NHEJ1: variants seen among roughly 807,000 people sequenced by gnomAD.
The protein encoded by NHEJ1 is non-homologous end-joining factor 1.
A neutral mutation model predicts 39.4 loss-of-function variants in NHEJ1; 22 were observed. That is an observed-to-expected ratio of 0.56 (90% CI 0.40 to 0.80). The LOEUF is 0.80. NHEJ1 is among the 30% of genes least tolerant of loss of function. The probability of loss-of-function intolerance (pLI) is 0.00; values close to 1 mark genes in which losing one functional copy is unlikely to be tolerated. For missense variants in NHEJ1, 329 were observed against 357.1 expected (o/e 0.92, Z 0.63); for synonymous variants, 154 against 135.6 (o/e 1.14, Z -0.94).
chr2:219,159,576 C>CATATATATATATGCAT (rs72363387), intron 1 of NHEJ1, among the ~76,000 whole-genome samples: 1,973 of 68,790 alleles, frequency 0.029, 175 homozygotes, highest in Non-Finnish European at 0.037. Context: ...TATATATATG[C>CATATATATATATGCAT]ATATATATAT....
intron 5 of NHEJ1, among the ~76,000 whole-genome samples, chr2:219,086,208 G>GT (rs1236856847): frequency 2.0e-5 from 3 of 152,140 alleles, no homozygotes; most frequent in Middle Eastern, 3.4e-3. Flanking sequence ...TTATTTTGGG[G>GT]TTTTTTTCTT....
intron 5 of NHEJ1, among the ~76,000 whole-genome samples, chr2:219,116,600 A>C (rs1949419091): frequency 6.6e-6 from 1 of 152,124 alleles, no homozygotes; most frequent in Non-Finnish European, 1.5e-5. Flanking sequence ...CAAGCGATCA[A>C]CCTGCCTTGG....
chr2:219,118,565 G>A (rs934635706), intron 5 of NHEJ1, among the ~76,000 whole-genome samples: 1 of 152,174 alleles, frequency 6.6e-6, no homozygotes, highest in Non-Finnish European at 1.5e-5. Flanking sequence ...GCTCCGCTGA[G>A]GTTTCTCGGG....
intron 3 of NHEJ1, among the ~76,000 whole-genome samples, chr2:219,153,023 G>A (rs1183294632): frequency 2.6e-5 from 4 of 151,958 alleles, no homozygotes; most frequent in African/African-American, 4.8e-5. Context: ...GGCTGGTCTC[G>A]AACTCCTGAC....
At chr2:219,160,349 G>A (rs1223575398) in intron 1 of NHEJ1, among the ~76,000 whole-genome samples, 1 of 152,154 alleles carries the variant, frequency 6.6e-6, no homozygotes, top group Non-Finnish European at 1.5e-5. Context: ...CCCCACCCCA[G>A]GAGCCGCCAG....
At chr2:219,090,703 C>T (rs1422795460) in intron 5 of NHEJ1, among the ~76,000 whole-genome samples, 2 of 152,176 alleles carry the variant, frequency 1.3e-5, no homozygotes, top group African/African-American at 4.8e-5. Context: ...CAGCAGTTAA[C>T]AGACTAACCG....
intron 5 of NHEJ1, among the ~76,000 whole-genome samples, chr2:219,118,683 C>T (rs191935553): frequency 6.6e-6 from 1 of 152,272 alleles, no homozygotes; most frequent in Non-Finnish European, 1.5e-5. Context: ...GAACCAGGAA[C>T]CAAAGGGGCC....
intron 5 of NHEJ1, among the ~76,000 whole-genome samples, chr2:219,090,651 C>T (rs1021081777): frequency 3.9e-5 from 6 of 152,154 alleles, no homozygotes; most frequent in African/African-American, 1.4e-4. Flanking sequence ...TGAGGCCTTA[C>T]TAAACAAAGC....
chr2:219,098,249 G>C (rs1949226124), intron 5 of NHEJ1, among the ~76,000 whole-genome samples: 1 of 152,230 alleles, frequency 6.6e-6, no homozygotes, highest in Non-Finnish European at 1.5e-5. Context: ...CACTTGTAAG[G>C]AGTTTTGTAG....
At chr2:219,123,966 C>T (rs371062406) in intron 5 of NHEJ1, among the ~76,000 whole-genome samples, 96 of 152,266 alleles carry the variant, frequency 6.3e-4, no homozygotes, top group African/African-American at 2.2e-3. Context: ...TTTATAGAAT[C>T]CTGGCGGTGG....
intron 3 of NHEJ1, among the ~76,000 whole-genome samples, chr2:219,156,823 T>C (rs1442799439): frequency 6.6e-6 from 1 of 152,220 alleles, no homozygotes; most frequent in Admixed American, 6.5e-5. Context: ...AAACCACGAA[T>C]TGGATCATGT....
At chr2:219,082,355 C>T (rs1949074983) in intron 5 of NHEJ1, among the ~76,000 whole-genome samples, 1 of 152,212 alleles carries the variant, frequency 6.6e-6, no homozygotes, top group Admixed American at 6.5e-5. Flanking sequence ...AGGGTCCAAC[C>T]TCCCCTCTTT....
At chr2:219,094,355 C>G (rs892009997) in intron 5 of NHEJ1, among the ~76,000 whole-genome samples, 1 of 152,156 alleles carries the variant, frequency 6.6e-6, no homozygotes, top group African/African-American at 2.4e-5. Flanking sequence ...TCTGGCAGTA[C>G]TGTGGAAGCG....
At chr2:219,078,816 G>C (rs990148300) in intron 5 of NHEJ1, among the ~76,000 whole-genome samples, 21 of 152,052 alleles carry the variant, frequency 1.4e-4, no homozygotes, top group African/African-American at 4.8e-4. Flanking sequence ...CCCCAAGGGA[G>C]TGAAAACTGT....
chr2:219,118,612 G>A (rs1175753768), intron 5 of NHEJ1, among the ~76,000 whole-genome samples: 4 of 152,172 alleles, frequency 2.6e-5, no homozygotes, highest in African/African-American at 4.8e-5. Flanking sequence ...TCTGTAAAGC[G>A]GATGGAAATG....
intron 5 of NHEJ1, among the ~76,000 whole-genome samples, chr2:219,126,679 C>A (rs1275461462): frequency 6.6e-6 from 1 of 152,052 alleles, no homozygotes; most frequent in Admixed American, 6.5e-5. Context: ...GCCAGAAAAA[C>A]CAGTAATTAT....
chr2:219,155,237 C>G (rs547775885), intron 3 of NHEJ1, among the ~76,000 whole-genome samples: 1 of 151,320 alleles, frequency 6.6e-6, no homozygotes, highest in Non-Finnish European at 1.5e-5. Context: ...AACACTGCCC[C>G]CTGGTGTTAC....
chr2:219,080,598 T>A lies in NHEJ1; in HGVS notation c.589-2392A>T, dbSNP rs147912777. Among the ~76,000 whole-genome samples, 521 of 97,182 alleles carry A rather than the reference T, an allele frequency of 5.4e-3. 11 individuals are homozygous for A. The highest frequency in any genetic ancestry group is 0.014 in the African/African-American group (417 of 29,474). The allele number at this position is 97,182 out of a possible 152,430, so 63.8% of individuals were successfully genotyped here. A position where few individuals can be genotyped will look rare whatever the true frequency, so the allele number is the denominator to read the frequency against. The stretch of plus-strand genomic sequence containing the variant: ...TTATATATATACGCTTATATATATA[T>A]GCTAATATATATAAGCTTATATATA... On this transcript the variant is annotated intron_variant, in intron 5 of 7. Transcript: ENST00000356853.
rs762925783 is a variant in NHEJ1, at chr2:219,108,813, G to GA, written c.589-30608dup. The stretch of plus-strand genomic sequence containing the variant: ...AGGCTTTGTGAAGTTATCCTGGGTG[G>GA]AAAAAAAAAAAGGTTTTTCTAAGGT... On this transcript the variant is annotated intron_variant, in intron 5 of 7. Coordinates refer to ENST00000356853, the MANE Select transcript of NHEJ1 (RefSeq NM_024782.3). Among the ~76,000 whole-genome samples the GA allele has an allele frequency of 5.2e-3, 743 of 142,302 alleles. 5 individuals carry two copies. The highest frequency in any genetic ancestry group is 7.8e-3 in the Non-Finnish European group (508 of 64,744). The allele number at this position is 142,302 out of a possible 152,430, so 93.4% of individuals were successfully genotyped here. A position where few individuals can be genotyped will look rare whatever the true frequency, so the allele number is the denominator to read the frequency against.
Sources: gnomAD v4.1 joint callset for allele counts (sites outside exome capture counted in the v4.1 genomes callset) on GRCh38, gnomAD v4.1.1 for gene constraint, MANE v1.5 for transcripts, NCBI Gene and HGNC (gene_info 2026-07-23, HGNC 2026-07-21) for gene names.